The following MSRB3 variants were observed in gnomAD, a reference collection of about 807,000 sequenced individuals.
MSRB3 encodes methionine-R-sulfoxide reductase B3.
A neutral mutation model predicts 21.0 loss-of-function variants in MSRB3; 13 were observed. The ratio of observed to expected loss-of-function variants is 0.62; its 90% CI spans 0.40 to 0.98. MSRB3 has a LOEUF of 0.98. Ranked by LOEUF, MSRB3 falls within the 50% of genes least tolerant of loss-of-function variation. The pLI, the probability that MSRB3 is intolerant of heterozygous loss-of-function variation, is 0.00. For missense variants in MSRB3, 199 were observed against 230.3 expected (o/e 0.86, Z 0.88); for synonymous variants, 87 against 88.6 (o/e 0.98, Z 0.10).
chr12:65,285,987 C>T (rs1872321435), intron 1 of MSRB3: 1 of 152,162 alleles, frequency 6.6e-6, no homozygotes, highest in Non-Finnish European at 1.5e-5. Context: ...TAATTTCCAA[C>T]TCTTTAAAAA....
At chr12:65,367,319 G>A (rs561438464) in intron 4 of MSRB3, among the ~76,000 whole-genome samples, 70 of 152,300 alleles carry the variant, frequency 4.6e-4, no homozygotes, top group African/African-American at 1.6e-3. Flanking sequence ...GGAACCTGTG[G>A]AGAACCAGAT....
chr12:65,327,761 A>G (rs920639611), intron 3 of MSRB3, among the ~76,000 whole-genome samples: 3 of 152,212 alleles, frequency 2.0e-5, no homozygotes, highest in Non-Finnish European at 2.9e-5. Context: ...CACAGTATCT[A>G]CTGTTTACTG....
chr12:65,405,492 G>A (rs889621584), intron 5 of MSRB3, among the ~76,000 whole-genome samples: 7 of 151,666 alleles, frequency 4.6e-5, no homozygotes, highest in Non-Finnish European at 8.8e-5. Context: ...TTCATTGAAA[G>A]AGAACAATAT....
intron 4 of MSRB3, among the ~76,000 whole-genome samples, chr12:65,343,622 C>G (rs1454835980): frequency 6.6e-6 from 1 of 151,954 alleles, no homozygotes; most frequent in Non-Finnish European, 1.5e-5. Context: ...AAAATTGTCT[C>G]CTTTATTTTT....
intron 5 of MSRB3, among the ~76,000 whole-genome samples, chr12:65,379,338 G>A (rs1282662431): frequency 1.3e-5 from 2 of 152,150 alleles, no homozygotes; most frequent in Non-Finnish European, 2.9e-5. Context: ...GCAGACCTTG[G>A]AAGCGATTGT....
intron 5 of MSRB3, among the ~76,000 whole-genome samples, chr12:65,372,854 A>G (rs982511543): frequency 3.3e-5 from 5 of 152,220 alleles, no homozygotes; most frequent in African/African-American, 9.6e-5. Flanking sequence ...TTTGCTTTCT[A>G]TCATCTGGAT....
intron 5 of MSRB3, among the ~76,000 whole-genome samples, chr12:65,424,216 T>C (rs191468473): frequency 9.2e-5 from 14 of 152,166 alleles, no homozygotes; most frequent in East Asian, 5.8e-4. Flanking sequence ...CTTTTTTTTT[T>C]CCCTGATCTA....
chr12:65,312,579 G>A (rs1421753949), intron 2 of MSRB3, among the ~76,000 whole-genome samples: 1 of 152,012 alleles, frequency 6.6e-6, no homozygotes, highest in Admixed American at 6.6e-5. Flanking sequence ...ATTTGTGGTT[G>A]TGATTCTTAT....
chr12:65,358,950 C>G (rs1311346565), intron 4 of MSRB3, among the ~76,000 whole-genome samples: 1 of 151,858 alleles, frequency 6.6e-6, no homozygotes, highest in Non-Finnish European at 1.5e-5. Context: ...CCTCCCGTCA[C>G]CCTGCCTTTT....
chr12:65,373,102 A>T (rs1878413734), intron 5 of MSRB3, among the ~76,000 whole-genome samples: 1 of 152,190 alleles, frequency 6.6e-6, no homozygotes, highest in Non-Finnish European at 1.5e-5. Flanking sequence ...AAAGTGAAGG[A>T]TGAGGGTGAA....
intron 5 of MSRB3, among the ~76,000 whole-genome samples, chr12:65,440,175 T>C (rs78633192): frequency 0.013 from 1,964 of 151,888 alleles, 40 homozygotes; most frequent in East Asian, 0.05. Flanking sequence ...TTAGTGAAAT[T>C]CCTGATTAAG....
intron 1 of MSRB3, among the ~76,000 whole-genome samples, chr12:65,287,131 CTTTT>C (rs368441408): frequency 3.2e-5 from 4 of 124,762 alleles, no homozygotes; most frequent in Non-Finnish European, 5.1e-5. Flanking sequence ...TTTCATTTCT[CTTTT>C]TTTTTTTTTT....
In MSRB3 at chr12:65,372,387, A is replaced by C. The variant is rs576184154; in HGVS notation, c.292+3361A>C. ...TCTCTGTGTACTGAGTAATATACTG[A>C]CTAAAAACCTTTTCTGTTGATTTAT... On this transcript the variant is annotated intron_variant, in intron 5 of 6. Coordinates refer to ENST00000308259, the MANE Select transcript of MSRB3 (RefSeq NM_001031679.3). 2.6e-5 allele frequency among the ~76,000 whole-genome samples: 4 copies of C among 152,358 alleles called. No homozygotes were observed. In the East Asian group the frequency reaches 7.7e-4, roughly 29 times the overall value.
intron 5 of MSRB3, among the ~76,000 whole-genome samples, chr12:65,423,174 C>T (rs1881411532): frequency 6.6e-6 from 1 of 151,936 alleles, no homozygotes; most frequent in Non-Finnish European, 1.5e-5. Flanking sequence ...GTTGACCAGG[C>T]TTGTCTCAAA....
At chr12:65,376,636 C>T (rs1013564602) in intron 5 of MSRB3, among the ~76,000 whole-genome samples, 2 of 151,532 alleles carry the variant, frequency 1.3e-5, no homozygotes, top group Non-Finnish European at 2.9e-5. Context: ...ACAATGAGAA[C>T]ACATGGACAC....
intron 5 of MSRB3, among the ~76,000 whole-genome samples, chr12:65,413,382 G>C (rs1025032516): frequency 1.8e-4 from 28 of 152,108 alleles, no homozygotes; most frequent in Non-Finnish European, 3.5e-4. Context: ...TTCTTTGCTT[G>C]GTTGCCTGGC....
intron 2 of MSRB3, among the ~76,000 whole-genome samples, chr12:65,321,407 A>G (rs761419873): frequency 3.3e-5 from 5 of 152,182 alleles, no homozygotes; most frequent in African/African-American, 4.8e-5. Flanking sequence ...TTAAGAAAAA[A>G]TCTTGGATCA....
chr12:65,350,134 C>A (rs567212160), intron 4 of MSRB3, among the ~76,000 whole-genome samples: 106 of 151,820 alleles, frequency 7.0e-4, no homozygotes, highest in Non-Finnish European at 1.1e-3. Context: ...ATATGGCTAG[C>A]CAGTTTTCCC....
chr12:65,402,964 C>T (rs1224636347), intron 5 of MSRB3, among the ~76,000 whole-genome samples: 5 of 152,202 alleles, frequency 3.3e-5, no homozygotes, highest in Non-Finnish European at 5.9e-5. Context: ...GCTGCCTGTT[C>T]GTTCCTCTGG....
Sources: gnomAD v4.1 joint callset for allele counts (sites outside exome capture counted in the v4.1 genomes callset) on GRCh38, gnomAD v4.1.1 for gene constraint, MANE v1.5 for transcripts, NCBI Gene and HGNC (gene_info 2026-07-23, HGNC 2026-07-21) for gene names.